The following AGBL4 variants were observed in gnomAD, a reference collection of about 807,000 sequenced individuals.
AGBL4 encodes the protein AGBL carboxypeptidase 4.
In AGBL4, 58 loss-of-function variants were observed where a neutral mutation model predicts 66.4. The observed-to-expected ratio is 0.87, with a 90% CI of 0.71 to 1.09. The LOEUF is 1.09. Among genes scored for constraint, AGBL4 ranks in the 50% least tolerant of loss-of-function variants. The probability of loss-of-function intolerance (pLI) is 0.00; values close to 1 mark genes in which losing one functional copy is unlikely to be tolerated. For synonymous variants in AGBL4, 234 were observed against 222.9 expected (o/e 1.05, Z -0.44); for missense variants, 579 against 631.0 (o/e 0.92, Z 0.88).
At chr1:49,324,611 A>G (rs1645193390) in intron 3 of AGBL4, among the ~76,000 whole-genome samples, 1 of 152,230 alleles carries the variant, frequency 6.6e-6, no homozygotes, top group African/African-American at 2.4e-5. Flanking sequence ...AGTCCTAGAA[A>G]AGCAGGTATC....
intron 3 of AGBL4, among the ~76,000 whole-genome samples, chr1:49,344,394 A>G (rs1199738588): frequency 6.6e-6 from 1 of 152,194 alleles, no homozygotes; most frequent in Non-Finnish European, 1.5e-5. Flanking sequence ...TTTTGGTAAG[A>G]TTATAAGAAG....
At chr1:48,778,401 T>A (rs1435747520) in intron 6 of AGBL4, among the ~76,000 whole-genome samples, 2 of 152,184 alleles carry the variant, frequency 1.3e-5, no homozygotes, top group Non-Finnish European at 2.9e-5. Context: ...ACCTTTCCCA[T>A]CCTCACAACC....
chr1:48,913,161 A>C (rs1459647955), intron 5 of AGBL4, among the ~76,000 whole-genome samples: 1 of 152,224 alleles, frequency 6.6e-6, no homozygotes, highest in African/African-American at 2.4e-5. Context: ...AGCCACGTTA[A>C]AAAGAATATG....
At chr1:48,760,189 G>A (rs1644180768) in intron 6 of AGBL4, among the ~76,000 whole-genome samples, 1 of 152,198 alleles carries the variant, frequency 6.6e-6, no homozygotes, top group Non-Finnish European at 1.5e-5. Flanking sequence ...CCCCTCCAGA[G>A]CTTGGGGTTC....
At chr1:48,686,265 A>G (rs1447721133) in intron 6 of AGBL4, among the ~76,000 whole-genome samples, 1 of 152,206 alleles carries the variant, frequency 6.6e-6, no homozygotes, top group African/African-American at 2.4e-5. Context: ...GAATCCCCAC[A>G]GTCCACGCAT....
intron 6 of AGBL4, among the ~76,000 whole-genome samples, chr1:48,857,514 G>T (rs1292921592): frequency 6.6e-6 from 1 of 152,140 alleles, no homozygotes; most frequent in Non-Finnish European, 1.5e-5. Context: ...AAGGTCAGGA[G>T]ATCGAGAACA....
At chr1:49,216,077 T>C (rs1009982001) in intron 4 of AGBL4, among the ~76,000 whole-genome samples, 1 of 152,032 alleles carries the variant, frequency 6.6e-6, no homozygotes, top group Non-Finnish European at 1.5e-5. Context: ...AGATATCTGA[T>C]CATATCTAAC....
chr1:49,918,799 A>G (rs1462432532), intron 1 of AGBL4, among the ~76,000 whole-genome samples: 1 of 152,218 alleles, frequency 6.6e-6, no homozygotes, highest in Non-Finnish European at 1.5e-5. Context: ...ATTATAGACC[A>G]ATATCCTTGA....
chr1:49,025,186 C>T (rs1663558947), intron 5 of AGBL4, among the ~76,000 whole-genome samples: 3 of 152,148 alleles, frequency 2.0e-5, no homozygotes, highest in Admixed American at 1.3e-4. Flanking sequence ...GATAAACAAA[C>T]AAGAAAACCT....
Position 49,144,091 on chromosome 1 carries a change from A to G in AGBL4, c.378-98291T>C, listed in dbSNP as rs150930991. Among the ~76,000 whole-genome samples, 11 of 152,322 alleles carry G rather than the reference A, an allele frequency of 7.2e-5. No individual in the cohort carries two copies. The East Asian group carries it at 1.9e-3, about 27-fold the overall frequency. On this transcript the variant is annotated intron_variant, in intron 4 of 13. Transcript: ENST00000371839. ...TGGATTATATCCTGTCTTAGCGCCT[A>G]TACTAGCAAGGCTAATTCATGACAT...
intron 3 of AGBL4, among the ~76,000 whole-genome samples, chr1:49,557,105 A>T (rs1643921822): frequency 6.6e-6 from 1 of 151,818 alleles, no homozygotes; most frequent in Non-Finnish European, 1.5e-5. Context: ...ACACCTCCCC[A>T]CAAGCAGAGG....
chr1:49,628,688 G>A (rs759672208), intron 3 of AGBL4, among the ~76,000 whole-genome samples: 1 of 152,134 alleles, frequency 6.6e-6, no homozygotes, highest in African/African-American at 2.4e-5. Flanking sequence ...ATCATGTTCT[G>A]TTCAATGTAT....
intron 3 of AGBL4, among the ~76,000 whole-genome samples, chr1:49,246,840 C>T (rs1016518364): frequency 6.6e-6 from 1 of 151,908 alleles, no homozygotes; most frequent in Non-Finnish European, 1.5e-5. Context: ...GCTAGCCTTT[C>T]TTTCCAGGGA....
At chr1:49,377,051 C>A (rs1160193211) in intron 3 of AGBL4, among the ~76,000 whole-genome samples, 1 of 151,934 alleles carries the variant, frequency 6.6e-6, no homozygotes, top group South Asian at 2.1e-4. Flanking sequence ...TTCAACTTTT[C>A]TTAAAAGAAA....
At chr1:49,592,243 C>CA (rs1380155738) in intron 3 of AGBL4, among the ~76,000 whole-genome samples, 2 of 150,926 alleles carry the variant, frequency 1.3e-5, no homozygotes, top group Non-Finnish European at 3.0e-5. Flanking sequence ...ATCAAATAAG[C>CA]AAAAAACAAA....
At chr1:49,302,083 C>T (rs1470402423) in intron 3 of AGBL4, among the ~76,000 whole-genome samples, 1 of 152,056 alleles carries the variant, frequency 6.6e-6, no homozygotes, top group Non-Finnish European at 1.5e-5. Context: ...AACCTTCCTC[C>T]TTCTCTTCTC....
At chr1:49,833,807 T>A (rs928558502) in intron 2 of AGBL4, among the ~76,000 whole-genome samples, 29 of 152,260 alleles carry the variant, frequency 1.9e-4, no homozygotes, top group Non-Finnish European at 3.5e-4. Context: ...CTGTTATTGG[T>A]GTATAAGAAT....
At chr1:49,284,524 A>G (rs1276237192) in intron 3 of AGBL4, among the ~76,000 whole-genome samples, 4 of 152,190 alleles carry the variant, frequency 2.6e-5, no homozygotes, top group Admixed American at 6.5e-5. Context: ...ATATAACAAT[A>G]TTAACTTTAA....
chr1:48,953,922 A>G (rs1453328537), intron 5 of AGBL4, among the ~76,000 whole-genome samples: 1 of 152,202 alleles, frequency 6.6e-6, no homozygotes, highest in African/African-American at 2.4e-5. Flanking sequence ...AGCTAAGTTC[A>G]TCTATCACCA....
Sources: gnomAD v4.1 joint callset for allele counts (sites outside exome capture counted in the v4.1 genomes callset) on GRCh38, gnomAD v4.1.1 for gene constraint, MANE v1.5 for transcripts, NCBI Gene and HGNC (gene_info 2026-07-23, HGNC 2026-07-21) for gene names.